ACYP2: variants seen among roughly 807,000 people sequenced by gnomAD.
ACYP2 encodes the protein acylphosphatase-2.
Under a neutral mutation model 11.2 loss-of-function variants are expected in ACYP2, and 12 were observed. That is an observed-to-expected ratio of 1.08 (90% CI 0.69 to 1.74). The LOEUF (loss-of-function observed/expected upper bound fraction) is 1.74. Among genes scored for constraint, ACYP2 ranks in the 40% most tolerant of loss-of-function variants. The pLI is 0.00. For synonymous variants in ACYP2, 43 were observed against 32.2 expected, an observed-to-expected ratio of 1.33 and a Z score of -1.13; for missense variants, 134 against 101.9, an observed-to-expected ratio of 1.31 and a Z score of -1.35.
intron 6 of ACYP2, among the ~76,000 whole-genome samples, chr2:54,176,354 A>T (rs1683459537): frequency 6.6e-6 from 1 of 152,162 alleles, no homozygotes; most frequent in East Asian, 1.9e-4. Context: ...GCCATCTTGA[A>T]CTGTGAGATG....
intron 6 of ACYP2, among the ~76,000 whole-genome samples, chr2:54,176,964 G>C (rs1236790110): frequency 6.6e-6 from 1 of 152,140 alleles, no homozygotes; most frequent in Non-Finnish European, 1.5e-5. Context: ...TCCTTTCACA[G>C]GCACTCTTCC....
chr2:54,255,240 G>A (rs372726545), intron 6 of ACYP2: 13 of 1,614,064 alleles, frequency 8.1e-6, no homozygotes, highest in African/African-American at 8.0e-5. Context: ...GCTTGTTTCT[G>A]AAGTAAGGGT....
chr2:54,219,908 T>TA (rs1263948223), intron 6 of ACYP2, among the ~76,000 whole-genome samples: 2 of 132,166 alleles, frequency 1.5e-5, no homozygotes, highest in African/African-American at 5.9e-5. Flanking sequence ...TATATATATT[T>TA]TTTTTTTTTT....
chr2:53,973,665 A>G (rs538593663), intron 1 of ACYP2: 12 of 219,614 alleles, frequency 5.5e-5, no homozygotes, highest in African/African-American at 1.2e-4. Context: ...TCCAAAACCT[A>G]TAAGAACTAA....
intron 2 of ACYP2, among the ~76,000 whole-genome samples, chr2:53,993,531 C>G (rs934448433): frequency 1.3e-5 from 2 of 151,772 alleles, no homozygotes; most frequent in East Asian, 3.9e-4. Flanking sequence ...AACCCCATCT[C>G]TACTAAAAAT....
intron 6 of ACYP2, among the ~76,000 whole-genome samples, chr2:54,245,476 G>C (rs959629325): frequency 2.6e-5 from 4 of 151,956 alleles, no homozygotes; most frequent in Non-Finnish European, 5.9e-5. Context: ...TGGTTTTGTT[G>C]GTTTACATTC....
intron 2 of ACYP2, among the ~76,000 whole-genome samples, chr2:54,005,870 C>G (rs1673038778): frequency 6.6e-6 from 1 of 152,126 alleles, no homozygotes; most frequent in Admixed American, 6.5e-5. Flanking sequence ...AAATAACTTG[C>G]TAGAATTTTG....
chr2:54,263,695 C>A (rs940673306), intron 6 of ACYP2, among the ~76,000 whole-genome samples: 5 of 152,158 alleles, frequency 3.3e-5, no homozygotes, highest in African/African-American at 1.2e-4. Context: ...CTCCTTCATT[C>A]TTTTCAAATT....
At chr2:54,240,987 G>A (rs1016447446) in intron 6 of ACYP2, among the ~76,000 whole-genome samples, 1 of 152,038 alleles carries the variant, frequency 6.6e-6, no homozygotes. Flanking sequence ...ATTTTTCTTG[G>A]TAAAGTCTTT....
intron 3 of ACYP2, among the ~76,000 whole-genome samples, chr2:54,053,574 G>A (rs1361604780): frequency 2.0e-5 from 3 of 152,088 alleles, no homozygotes; most frequent in East Asian, 1.9e-4. Context: ...CTTGCCCACC[G>A]GCTCTGACTT....
chr2:54,231,723 T>C (rs1346775920), intron 6 of ACYP2, among the ~76,000 whole-genome samples: 1 of 152,206 alleles, frequency 6.6e-6, no homozygotes, highest in African/African-American at 2.4e-5. Flanking sequence ...GACTTTAAGA[T>C]GATTCCACTC....
At chr2:53,998,958 C>A (rs1672687584) in intron 2 of ACYP2, among the ~76,000 whole-genome samples, 2 of 152,042 alleles carry the variant, frequency 1.3e-5, no homozygotes, top group African/African-American at 4.8e-5. Context: ...GTGGAGGGAT[C>A]CCACGGCCAC....
intron 6 of ACYP2, among the ~76,000 whole-genome samples, chr2:54,290,743 G>A (rs1689270257): frequency 6.6e-6 from 1 of 152,136 alleles, no homozygotes; most frequent in African/African-American, 2.4e-5. Flanking sequence ...CAGGGTGAGG[G>A]TGAAAACGCA....
At chr2:54,073,813 T>C (rs1316082853) in intron 4 of ACYP2, among the ~76,000 whole-genome samples, 3 of 152,096 alleles carry the variant, frequency 2.0e-5, no homozygotes, top group Non-Finnish European at 4.4e-5. Flanking sequence ...ATTAGAAAAA[T>C]AATCAAAACT....
At chr2:54,023,357 G>A (rs1674104362) in intron 2 of ACYP2, among the ~76,000 whole-genome samples, 1 of 152,162 alleles carries the variant, frequency 6.6e-6, no homozygotes, top group South Asian at 2.1e-4. Flanking sequence ...GTCTCCCTAT[G>A]TTGTCTAGCC....
chr2:54,150,486 T>C (rs888359943), intron 6 of ACYP2, among the ~76,000 whole-genome samples: 12 of 152,190 alleles, frequency 7.9e-5, no homozygotes, highest in African/African-American at 2.9e-4. Context: ...AGTGCCCTGA[T>C]ACTCGGCTCA....
chr2:54,181,485 G>A (rs910567028), intron 6 of ACYP2, among the ~76,000 whole-genome samples: 2 of 152,140 alleles, frequency 1.3e-5, no homozygotes, highest in Non-Finnish European at 2.9e-5. Context: ...ACTACTTATA[G>A]TAGTAGCAGA....
At chr2:54,182,809 T>C (rs905800523) in intron 6 of ACYP2, among the ~76,000 whole-genome samples, 15 of 152,206 alleles carry the variant, frequency 9.9e-5, no homozygotes, top group Admixed American at 6.5e-5. Context: ...TCTTGGCTTA[T>C]TATTTGCCTA....
intron 6 of ACYP2, among the ~76,000 whole-genome samples, chr2:54,227,726 T>C (rs1686068489): frequency 6.6e-6 from 1 of 152,218 alleles, no homozygotes; most frequent in Admixed American, 6.5e-5. Context: ...AGAGTGGTAA[T>C]ACTTTAAGGC....
Sources: allele counts gnomAD v4.1 joint callset (sites outside exome capture counted in the v4.1 genomes callset), GRCh38; gene constraint gnomAD v4.1.1; transcripts MANE v1.5; gene names NCBI Gene and HGNC (gene_info 2026-07-23, HGNC 2026-07-21).